CYP4X1: variants seen among roughly 807,000 people sequenced by gnomAD.
The protein encoded by CYP4X1 is cytochrome P450 family 4 subfamily X member 1.
A neutral mutation model predicts 57.9 loss-of-function variants in CYP4X1; 44 were observed. The ratio of observed to expected loss-of-function variants is 0.76; its 90% CI spans 0.60 to 0.98. CYP4X1 has a LOEUF of 0.98. CYP4X1 is among the 50% of genes least tolerant of loss of function. The pLI, the probability that CYP4X1 is intolerant of heterozygous loss-of-function variation, is 0.00. For synonymous variants in CYP4X1, 227 were observed against 228.6 expected, an observed-to-expected ratio of 0.99 and a Z score of 0.06; for missense variants, 532 against 623.9, an observed-to-expected ratio of 0.85 and a Z score of 1.57.
the CYP4X1 span, among the ~76,000 whole-genome samples, chr1:46,998,791 C>A: frequency 7.9e-5 from 12 of 152,028 alleles, no homozygotes; most frequent in African/African-American, 2.9e-4. Flanking sequence ...TTGTATATAG[C>A]TAGCCAGTTT....
Position 47,023,835 on chromosome 1 carries a change from G to A in CYP4X1, c.18G>A (p.Leu6=). The A allele has an allele frequency of 1.2e-6, 2 of 1,613,208 alleles. No individual in the cohort carries two copies. The highest frequency in any genetic ancestry group is 8.5e-7 in the Non-Finnish European group (1 of 1,179,910). Residue 6 remains leucine (L), a synonymous_variant, in exon 1 of 12, where the codon CTG becomes CTA. Transcript: ENST00000371901. MEFSW[L]ETRWARPFYL... ...GCAGAGCCATGGAATTCTCCTGGCT[G>A]GAGACGCGCTGGGCGCGGCCCTTTT...
upstream of CYP4X1, among the ~76,000 whole-genome samples, chr1:47,022,783 A>G (rs554627990): frequency 9.2e-5 from 14 of 152,278 alleles, no homozygotes; most frequent in East Asian, 2.5e-3. Flanking sequence ...TGCCTGTCTT[A>G]GCCTAAATCA....
At chr1:46,986,065 A>G in the CYP4X1 span, among the ~76,000 whole-genome samples, 1 of 152,182 alleles carries the variant, frequency 6.6e-6, no homozygotes, top group African/African-American at 2.4e-5. Context: ...GGTAATAACA[A>G]ACTCCTCCGA....
chr1:46,978,455 C>T, the CYP4X1 span, among the ~76,000 whole-genome samples: 3 of 152,120 alleles, frequency 2.0e-5, no homozygotes, highest in East Asian at 5.8e-4. Context: ...GCACCCAATA[C>T]AGGAGCACCC....
chr1:46,995,709 T>G, the CYP4X1 span, among the ~76,000 whole-genome samples: 1 of 152,206 alleles, frequency 6.6e-6, no homozygotes, highest in African/African-American at 2.4e-5. Context: ...CACTTTCCCC[T>G]TTGTGCCCCT....
At chr1:47,020,074 C>G (rs780779185), upstream of CYP4X1, among the ~76,000 whole-genome samples, 3 of 152,164 alleles carry the variant, frequency 2.0e-5, no homozygotes, top group Non-Finnish European at 2.9e-5. Flanking sequence ...CTGACTTTCA[C>G]CCTATAGGTG....
intron 8 of CYP4X1, among the ~76,000 whole-genome samples, chr1:47,040,874 T>G (rs566423140): frequency 6.6e-6 from 1 of 152,262 alleles, no homozygotes; most frequent in South Asian, 2.1e-4. Flanking sequence ...TCACATATTG[T>G]ACAATGCATC....
downstream of CYP4X1, among the ~76,000 whole-genome samples, chr1:47,052,907 T>C (rs1008197768): frequency 6.6e-6 from 1 of 152,236 alleles, no homozygotes; most frequent in Admixed American, 6.5e-5. Context: ...TATGGAATTC[T>C]CTATTTCTTT....
the CYP4X1 span, among the ~76,000 whole-genome samples, chr1:46,997,957 T>C: frequency 2.6e-5 from 4 of 152,222 alleles, no homozygotes; most frequent in Non-Finnish European, 5.9e-5. Context: ...TTATTGATGT[T>C]GAGCATTTTT....
chr1:46,966,333 G>A, the CYP4X1 span, among the ~76,000 whole-genome samples: 5 of 152,182 alleles, frequency 3.3e-5, no homozygotes, highest in Non-Finnish European at 5.9e-5. Flanking sequence ...CTCCTGGGTT[G>A]CTGTGTGGGC....
In CYP4X1 at chr1:47,046,567, C is replaced by A. The variant is rs1414803633; in HGVS notation, c.1174C>A (p.Leu392Ile). The change falls in exon 9 of 12, where the codon CTT (leucine) becomes ATT (isoleucine). Residue 392 changes from leucine (L) to isoleucine (I), a missense_variant. Transcript: ENST00000371901. ...PSISRDLSKP[L>I]TFPDGCTLPA... ...CATTTCCAGAGATCTCAGCAAGCCA[C>A]TTACCTTCCCAGATGGATGCACATT... The A allele has an allele frequency of 6.2e-7, 1 of 1,614,162 alleles. No individual in the cohort carries two copies.
chr1:47,043,110 C>T (rs923019561), intron 8 of CYP4X1, among the ~76,000 whole-genome samples: 14 of 152,174 alleles, frequency 9.2e-5, no homozygotes, highest in South Asian at 8.3e-4. Context: ...TGTATCCACA[C>T]CATCATCTAT....
the CYP4X1 span, among the ~76,000 whole-genome samples, chr1:46,964,311 G>A: frequency 6.6e-6 from 1 of 152,202 alleles, no homozygotes; most frequent in African/African-American, 2.4e-5. Flanking sequence ...GAGGAAGAGA[G>A]GCGCTCGATT....
At chr1:46,994,046 G>C in the CYP4X1 span, among the ~76,000 whole-genome samples, 7 of 152,062 alleles carry the variant, frequency 4.6e-5, no homozygotes, top group Non-Finnish European at 1.0e-4. Context: ...TTTTCTTCTG[G>C]GGTTTTTATG....
chr1:47,001,346 T>C, the CYP4X1 span, among the ~76,000 whole-genome samples: 3 of 152,222 alleles, frequency 2.0e-5, no homozygotes, highest in African/African-American at 7.2e-5. Flanking sequence ...CATGGATGGA[T>C]AAAGAGTTAA....
the CYP4X1 span, among the ~76,000 whole-genome samples, chr1:46,965,686 T>C: frequency 6.6e-6 from 1 of 152,220 alleles, no homozygotes; most frequent in Admixed American, 6.5e-5. Flanking sequence ...AAGAGCAGGA[T>C]CAGGGACCAG....
upstream of CYP4X1, chr1:47,023,550 G>C: frequency 8.2e-7 from 1 of 1,215,202 alleles, no homozygotes; most frequent in South Asian, 3.7e-5. Flanking sequence ...GGACTTAAAA[G>C]AGGACGCTCC....
At chr1:46,961,793 C>G in the CYP4X1 span, 1 of 1,295,184 alleles carries the variant, frequency 7.7e-7, no homozygotes, top group Non-Finnish European at 1.0e-6. Flanking sequence ...TTGCCCACCC[C>G]AGACCCTTGG....
chr1:46,999,026 T>TGTG, the CYP4X1 span, among the ~76,000 whole-genome samples: 259 of 143,328 alleles, frequency 1.8e-3, 1 homozygote, highest in African/African-American at 6.3e-3. Flanking sequence ...CTTGCTTTCT[T>TGTG]TGTGTGTGTG....
Sources: gnomAD v4.1 joint callset for allele counts (sites outside exome capture counted in the v4.1 genomes callset) on GRCh38, gnomAD v4.1.1 for gene constraint, MANE v1.5 for transcripts, NCBI Gene and HGNC (gene_info 2026-07-23, HGNC 2026-07-21) for gene names.